CACNA1G: variants seen among roughly 807,000 people sequenced by gnomAD.
The protein encoded by CACNA1G is voltage-dependent T-type calcium channel subunit alpha-1G.
In CACNA1G, 67 loss-of-function variants were observed where a neutral mutation model predicts 219.4. The observed-to-expected ratio is 0.31, with a 90% CI of 0.25 to 0.37. The LOEUF (loss-of-function observed/expected upper bound fraction) is 0.37. CACNA1G is among the 10% of genes least tolerant of loss of function. The pLI is 1.00. For missense variants in CACNA1G, 2,380 were observed against 3,231.4 expected, an observed-to-expected ratio of 0.74 and a Z score of 6.39; for synonymous variants, 1,296 against 1,345.3, an observed-to-expected ratio of 0.96 and a Z score of 0.80.
chr17:50,625,369 C>T (rs922758189), intron 37 of CACNA1G, among the ~76,000 whole-genome samples: 1 of 152,220 alleles, frequency 6.6e-6, no homozygotes, highest in Non-Finnish European at 1.5e-5. Flanking sequence ...AGTCCTTATT[C>T]ATTCTGCAAA....
chr17:50,616,898 C>G (rs1402164314), intron 28 of CACNA1G, among the ~76,000 whole-genome samples: 1 of 152,136 alleles, frequency 6.6e-6, no homozygotes, highest in East Asian at 1.9e-4. Flanking sequence ...TGGAGTGCAG[C>G]AGCTCAGTCA....
intron 9 of CACNA1G, among the ~76,000 whole-genome samples, chr17:50,588,984 C>T (rs1382418841): frequency 1.3e-5 from 2 of 152,140 alleles, no homozygotes; most frequent in Non-Finnish European, 2.9e-5. Context: ...AGCTGGCCAG[C>T]GAGACAGTGA....
In CACNA1G at chr17:50,578,762, A is replaced by G. The variant is rs1408992691; in HGVS notation, c.2301+198A>G. 2.0e-5 allele frequency among the ~76,000 whole-genome samples: 3 copies of G among 152,174 alleles called. No individual in the cohort carries two copies. Among genetic ancestry groups the G allele is most frequent in the Non-Finnish European group, 4.4e-5 (3 of 68,020 alleles). On this transcript the variant is annotated intron_variant, in intron 9 of 37. Transcript: ENST00000359106. This position sits in a 1 kb window ranked among gnomAD's most constrained non-coding sequence, Gnocchi z 4.5. ...GAGGGAGTGCTTAAAGTCTCTGAGTATGGAGGTCGCCTCAGGTAGGCCACA... is the reference window on the plus strand; with the variant it reads ...GAGGGAGTGCTTAAAGTCTCTGAGTGTGGAGGTCGCCTCAGGTAGGCCACA...
intron 13 of CACNA1G, among the ~76,000 whole-genome samples, chr17:50,594,667 G>A (rs2045123845): frequency 6.6e-6 from 1 of 152,176 alleles, no homozygotes; most frequent in Non-Finnish European, 1.5e-5. Flanking sequence ...AAGCCAGCTG[G>A]TGTTAAGGAG....
At chr17:50,605,611 C>T (rs1367597880) in intron 22 of CACNA1G, among the ~76,000 whole-genome samples, 1 of 152,238 alleles carries the variant, frequency 6.6e-6, no homozygotes, top group Non-Finnish European at 1.5e-5. Context: ...GGGACTCCCA[C>T]TTGGCACACG....
At chr17:50,564,260 G>A (rs2037000596) in intron 1 of CACNA1G, among the ~76,000 whole-genome samples, 1 of 151,732 alleles carries the variant, frequency 6.6e-6, no homozygotes, top group Non-Finnish European at 1.5e-5. Context: ...TCAGAGGGGA[G>A]CATGCTGGCC....
At position 50,603,797 on chromosome 17, in the gene CACNA1G, C is replaced by T. The variant is rs2047337811; in HGVS notation, c.4170-358C>T. ...AGTCCATCTCCCTCTGCCCCTTCCC[C>T]TCTCTGCCTGCTCCCCTACAAGTTT... On this transcript the variant is annotated intron_variant, in intron 21 of 37. Transcript: ENST00000359106. This position sits in a 1 kb window ranked among gnomAD's most constrained non-coding sequence, Gnocchi z 6.4. 1.3e-5 allele frequency among the ~76,000 whole-genome samples: 2 copies of T among 152,104 alleles called. No homozygotes were observed. The highest frequency in any genetic ancestry group is 2.9e-5 in the Non-Finnish European group (2 of 68,020).
intron 9 of CACNA1G, among the ~76,000 whole-genome samples, chr17:50,587,414 C>T (rs1278130450): frequency 6.6e-6 from 1 of 152,210 alleles, no homozygotes; most frequent in Admixed American, 6.5e-5. Flanking sequence ...TGGCTCCACC[C>T]CTGCCCCTTT....
intron 2 of CACNA1G, 56 bp downstream of exon 2, chr17:50,569,037 C>A (rs371342918): frequency 1.5e-5 from 16 of 1,059,670 alleles, no homozygotes; most frequent in Non-Finnish European, 1.9e-5. Flanking sequence ...GGGGTTGGCC[C>A]CTCTTAATCT....
chr17:50,566,827 G>GC (rs1442620150), intron 1 of CACNA1G, among the ~76,000 whole-genome samples: 2 of 152,232 alleles, frequency 1.3e-5, no homozygotes, highest in Non-Finnish European at 2.9e-5. Flanking sequence ...CCTGTCAGGA[G>GC]CCCCAGCTCA....
In CACNA1G at chr17:50,593,290, G is replaced by A. The variant is rs528233633; in HGVS notation, c.2910+1198G>A. On this transcript the variant is annotated intron_variant, in intron 13 of 37. Transcript: ENST00000359106. ...CTGCTGCTGCTCAGGGTCTATAAGA[G>A]GAGGAGCTGAGTGAGGACCGGGCCC... Among the ~76,000 whole-genome samples the A allele has an allele frequency of 3.9e-5, 6 of 152,374 alleles. No individual in the cohort carries two copies. In the South Asian group the frequency reaches 1.2e-3, roughly 32 times the overall value.
At chr17:50,591,094 C>G (rs2044233738) in intron 10 of CACNA1G, among the ~76,000 whole-genome samples, 1 of 152,242 alleles carries the variant, frequency 6.6e-6, no homozygotes, top group Non-Finnish European at 1.5e-5. Context: ...CCAGGAGAAC[C>G]ACTTTATTGC....
chr17:50,598,509 G>T (rs1422306710), intron 16 of CACNA1G, among the ~76,000 whole-genome samples: 5 of 152,176 alleles, frequency 3.3e-5, no homozygotes, highest in Admixed American at 1.3e-4. Context: ...TCTATTTTTA[G>T]GTTTTTGAGG....
Position 50,605,921 on chromosome 17 carries a change from G to A in CACNA1G, c.4320G>A (p.Val1440=), listed in dbSNP as rs2047866303. 2 of 1,613,322 alleles carry A rather than the reference G, an allele frequency of 1.2e-6. No individual in the cohort carries two copies. Among genetic ancestry groups the A allele is most frequent in the South Asian group, 1.1e-5 (1 of 91,082 alleles). Residue 1440 remains valine (V), a synonymous_variant, in exon 23 of 38, where the codon GTG becomes GTA. Coordinates refer to ENST00000359106, the MANE Select transcript of CACNA1G (RefSeq NM_018896.5). ...AGCTCTTCAAAGGGAAGTTTTTCGTGTGCCAGGGCGAGGATACCAGGAACA... is the reference window on the plus strand; with the variant it reads ...AGCTCTTCAAAGGGAAGTTTTTCGTATGCCAGGGCGAGGATACCAGGAACA... ...GVQLFKGKFF[V]CQGEDTRNIT...
chr17:50,619,767 C>G lies in CACNA1G; in HGVS notation c.5866C>G (p.Pro1956Ala), dbSNP rs768563197. ...ELKLMDELAGPGGQPSAFPSA... is the reference protein window; with the variant it reads ...ELKLMDELAGAGGQPSAFPSA... ...GAAGCTGATGGACGAGCTGGCAGGC[C>G]CAGGGGGCCAGCCCTCTGCCTTCCC... is the stretch of plus-strand genomic sequence containing the variant. Residue 1956 changes from proline (P) to alanine (A), a missense_variant, in exon 34 of 38, where the codon CCA (proline) becomes GCA (alanine). Coordinates refer to ENST00000359106, the MANE Select transcript of CACNA1G (RefSeq NM_018896.5). 1 of 1,607,958 alleles carries G rather than the reference C, an allele frequency of 6.2e-7. No individual in the cohort carries two copies. Among genetic ancestry groups the G allele is most frequent in the Admixed American group, 1.7e-5 (1 of 59,608 alleles).
At chr17:50,590,051 G>C (rs922303099) in intron 9 of CACNA1G, among the ~76,000 whole-genome samples, 1 of 152,128 alleles carries the variant, frequency 6.6e-6, no homozygotes, top group East Asian at 1.9e-4. Flanking sequence ...CTTGACGACC[G>C]GGTGTGCCTG....
Position 50,626,934 on chromosome 17 carries a change from C to T in CACNA1G, c.*183C>T. On this transcript the variant is annotated 3_prime_UTR_variant, in exon 38 of 38. Coordinates refer to ENST00000359106, the MANE Select transcript of CACNA1G (RefSeq NM_018896.5). The surrounding 1 kb of genome is among the most constrained non-coding windows in gnomAD (Gnocchi z 4.3). ...CCAAAGAGAGTTAAAAGCAGCAGCC[C>T]CGGCAACTCTGGCTCCAGGCAGAAG... 1.3e-6 allele frequency: 1 copy of T among 797,894 alleles called. No homozygotes were observed. The highest frequency in any genetic ancestry group is 2.1e-6 in the Non-Finnish European group (1 of 467,418). The allele number at this position is 797,894 out of a possible 1,614,324, so 49.4% of individuals were successfully genotyped here. A position where few individuals can be genotyped will look rare whatever the true frequency, so the allele number is the denominator to read the frequency against.
chr17:50,589,146 T>C (rs1469727082), intron 9 of CACNA1G, among the ~76,000 whole-genome samples: 2 of 152,308 alleles, frequency 1.3e-5, no homozygotes, highest in African/African-American at 2.4e-5. Flanking sequence ...GTGGGGTCCA[T>C]TGAGCCAACC....
rs980013339 is a variant in CACNA1G, at chr17:50,626,854, A to C, written c.*103A>C. ...CAAAAGTTCCATATAGACACCAAGG[A>C]GGCGGAGGCGCTCCTCCCTGCCTCA... On this transcript the variant is annotated 3_prime_UTR_variant, in exon 38 of 38. Coordinates refer to ENST00000359106, the MANE Select transcript of CACNA1G (RefSeq NM_018896.5). The surrounding 1 kb of genome is among the most constrained non-coding windows in gnomAD (Gnocchi z 4.3). 63 of 1,459,288 alleles carry C rather than the reference A, an allele frequency of 4.3e-5. No homozygotes were observed. The highest frequency in any genetic ancestry group is 5.6e-5 in the Non-Finnish European group (58 of 1,042,058). The allele number at this position is 1,459,288 out of a possible 1,614,324, so 90.4% of individuals were successfully genotyped here.
Sources: gnomAD v4.1 joint callset for allele counts (sites outside exome capture counted in the v4.1 genomes callset) on GRCh38, gnomAD v4.1.1 for gene constraint, Gnocchi (gnomAD v3.1) non-coding constraint, MANE v1.5 for transcripts, NCBI Gene and HGNC (gene_info 2026-07-23, HGNC 2026-07-21) for gene names.